The following MTERF4 variants were observed in gnomAD, a reference collection of about 807,000 sequenced individuals.
MTERF4 encodes the protein transcription termination factor 4, mitochondrial.
In MTERF4, 17 loss-of-function variants were observed where a neutral mutation model predicts 22.5. The ratio of observed to expected loss-of-function variants is 0.75; its 90% CI spans 0.52 to 1.13. The LOEUF (loss-of-function observed/expected upper bound fraction) is 1.13. Among genes scored for constraint, MTERF4 ranks in the 50% most tolerant of loss-of-function variants. The pLI, the probability that MTERF4 is intolerant of heterozygous loss-of-function variation, is 0.00. For synonymous variants in MTERF4, 165 were observed against 175.3 expected, an observed-to-expected ratio of 0.94 and a Z score of 0.47; for missense variants, 420 against 466.8, an observed-to-expected ratio of 0.90 and a Z score of 0.92.
downstream of MTERF4, among the ~76,000 whole-genome samples, chr2:241,090,730 G>T (rs949728399): frequency 3.3e-5 from 5 of 152,238 alleles, no homozygotes; most frequent in East Asian, 9.7e-4. Context: ...AGTCAGACAT[G>T]GTGGTGGGCA....
chr2:241,049,983 C>T, the MTERF4 span: 1 of 1,325,556 alleles, frequency 7.5e-7, no homozygotes, highest in South Asian at 1.2e-5. Flanking sequence ...TGGAGAGCGC[C>T]CGCGGTCCGC....
rs1559341050 is a variant in MTERF4, at chr2:241,099,593, T to C, written c.323A>G (p.His108Arg). ...CCGTACACTGAGCAATTCATTAATA[T>C]GGGCATTGCTGAAACCCATGTCCAG... is the stretch of plus-strand genomic sequence containing the variant. ...SLLDMGFSNA[H>R]INELLSVRRG... The change falls in exon 2 of 4, where the codon CAT becomes CGT. Residue 108 changes from histidine to arginine, a missense_variant. Transcript: ENST00000391980. 3.1e-6 allele frequency: 5 copies of C among 1,614,234 alleles called. No individual in the cohort carries two copies. Among genetic ancestry groups the C allele is most frequent in the Admixed American group, 1.7e-5 (1 of 60,030 alleles).
At position 241,080,293 on chromosome 2, in the gene MTERF4, A is replaced by AAAT. The variant is rs374864684; in HGVS notation, n.480-4614_480-4612dup. On this transcript the variant is annotated intron_variant and non_coding_transcript_variant, in intron 4 of 4. Coordinates refer to the MTERF4 transcript ENST00000464344. ...AGCAAGACTCCATCTCAAAATAAAT[A>AAAT]AATAAAATCTTGTTTGTCTTTTGAT... Among the ~76,000 whole-genome samples, 1,467 of 152,302 alleles carry AAAT rather than the reference A, an allele frequency of 9.6e-3. 20 individuals are homozygous for AAAT. Among genetic ancestry groups the AAAT allele is most frequent in the African/African-American group, 0.033 (1,355 of 41,548 alleles).
downstream of MTERF4, chr2:241,090,522 C>G: frequency 2.1e-6 from 3 of 1,430,892 alleles, no homozygotes; most frequent in Non-Finnish European, 2.8e-6. Flanking sequence ...GTATTATGTA[C>G]TCTACATAAT....
At chr2:241,067,721 G>A (rs1221936562), downstream of MTERF4, 2 of 1,548,104 alleles carry the variant, frequency 1.3e-6, no homozygotes, top group South Asian at 1.2e-5. Context: ...TCCCCCAGGA[G>A]CAAGGAGGGG....
chr2:241,048,414 G>T, the MTERF4 span: 32 of 1,610,502 alleles, frequency 2.0e-5, no homozygotes, highest in Non-Finnish European at 2.6e-5. Context: ...TGCCCCGAAG[G>T]CTTCATGGGC....
the MTERF4 span, chr2:241,052,079 G>A: frequency 5.0e-6 from 8 of 1,613,770 alleles, no homozygotes; most frequent in Non-Finnish European, 6.8e-6. Context: ...CTGTCACAAC[G>A]GCGGCACCTG....
chr2:241,099,570 G>A lies in MTERF4; in HGVS notation c.346C>T (p.Arg116Trp), dbSNP rs35437554. ...AACTGTTGAAGACTGGCACCTCGCC[G>A]TACACTGAGCAATTCATTAATATGG... is the stretch of plus-strand genomic sequence containing the variant. ...NAHINELLSV[R>W]RGASLQQLLD... The change falls in exon 2 of 4, where the codon CGG (arginine) becomes TGG (tryptophan). Residue 116 changes from arginine to tryptophan, a missense_variant. By Grantham distance (101) the Arg-to-Trp change is moderately radical. Coordinates refer to ENST00000391980, the MANE Select transcript of MTERF4 (RefSeq NM_182501.4). The A allele has an allele frequency of 3.3e-4, 530 of 1,614,182 alleles. No homozygotes were observed. Among genetic ancestry groups the A allele is most frequent in the Admixed American group, 1.5e-3 (92 of 60,028 alleles).
chr2:241,047,170 GTAAA>G, the MTERF4 span, among the ~76,000 whole-genome samples: 1 of 133,636 alleles, frequency 7.5e-6, no homozygotes, highest in African/African-American at 2.8e-5. Flanking sequence ...AAAAAAAAAA[GTAAA>G]TTAGGTAAAC....
At chr2:241,049,801 T>A in the MTERF4 span, 1 of 1,601,930 alleles carries the variant, frequency 6.2e-7, no homozygotes, top group Non-Finnish European at 8.6e-7. Context: ...GACCACCCTC[T>A]GTCCCCCGCC....
In MTERF4 at chr2:241,099,645, C is replaced by T; in HGVS notation, c.271G>A (p.Glu91Lys). The T allele has an allele frequency of 6.2e-7, 1 of 1,614,208 alleles. No individual in the cohort carries two copies. The highest frequency in any genetic ancestry group is 1.1e-5 in the South Asian group (1 of 91,084). ...QGTPVVQGSL[E>K]LERVMSSLLD... The stretch of plus-strand genomic sequence containing the variant: ...AGGGAACTCATGACCCTCTCTAGCT[C>T]CAAGGACCCTTGTACCACAGGAGTC... The change falls in exon 2 of 4, where the codon GAG becomes AAG. Residue 91 changes from glutamate to lysine, a missense_variant. Physicochemically the swap from Glu to Lys is moderately conservative, Grantham distance 56. Coordinates refer to ENST00000391980, the MANE Select transcript of MTERF4 (RefSeq NM_182501.4).
the MTERF4 span, among the ~76,000 whole-genome samples, chr2:241,047,683 G>C: frequency 6.6e-6 from 1 of 152,256 alleles, no homozygotes; most frequent in Non-Finnish European, 1.5e-5. Flanking sequence ...GACCAGAAAC[G>C]TTTGGAGGCC....
intron 4 of MTERF4, among the ~76,000 whole-genome samples, chr2:241,077,864 A>G (rs188497984): frequency 6.6e-6 from 1 of 152,300 alleles, no homozygotes; most frequent in East Asian, 1.9e-4. Context: ...AGAACCCTCT[A>G]CGCTGCTGGT....
Position 241,095,686 on chromosome 2 carries a change from GA to G in MTERF4, c.*311del, listed in dbSNP as rs141734316. 3.1e-3 allele frequency: 997 copies of G among 326,160 alleles called. 1 individual carries two copies. The highest frequency in any genetic ancestry group is 7.3e-3 in the African/African-American group (341 of 46,768). 20.2% of individuals were successfully genotyped at this position (326,160 alleles called of 1,614,324 possible). A position where few individuals can be genotyped will look rare whatever the true frequency, so the allele number is the denominator to read the frequency against. ...GGAATTATCACCAACATATTCAAAAGAGAAAAAAATAAAACCAATTGTTGAT... is the reference window on the plus strand; with the variant it reads ...GGAATTATCACCAACATATTCAAAAGGAAAAAAATAAAACCAATTGTTGAT... On this transcript the variant is annotated 3_prime_UTR_variant, in exon 4 of 4. Coordinates refer to ENST00000391980, the MANE Select transcript of MTERF4 (RefSeq NM_182501.4).
chr2:241,069,005 C>T (rs1046281381), downstream of MTERF4: 24 of 1,552,218 alleles, frequency 1.5e-5, no homozygotes, highest in Non-Finnish European at 2.0e-5. The surrounding 1 kb of genome is among the most constrained non-coding windows in gnomAD (Gnocchi z 4.9). Flanking sequence ...GGCCACCGCG[C>T]CGACGCACGT....
the MTERF4 span, among the ~76,000 whole-genome samples, chr2:241,046,257 A>G: frequency 4.4e-4 from 67 of 152,352 alleles, no homozygotes; most frequent in African/African-American, 1.6e-3. Flanking sequence ...GGTTTTTTAT[A>G]AGGTTAAGTA....
intron 4 of MTERF4, among the ~76,000 whole-genome samples, chr2:241,078,378 G>A (rs1411555964): frequency 1.7e-4 from 15 of 88,510 alleles, no homozygotes; most frequent in Admixed American, 3.6e-4. Context: ...ACTAGACTCC[G>A]TCTCAAAAAA....
chr2:241,060,142 C>T, the MTERF4 span, among the ~76,000 whole-genome samples: 4 of 151,318 alleles, frequency 2.6e-5, no homozygotes, highest in Non-Finnish European at 4.4e-5. Context: ...TTTTTAAATG[C>T]GTAAAAGGAA....
At chr2:241,083,516 A>G (rs891025871), downstream of MTERF4, among the ~76,000 whole-genome samples, 3 of 152,202 alleles carry the variant, frequency 2.0e-5, no homozygotes, top group African/African-American at 7.2e-5. Flanking sequence ...CTTGGACATG[A>G]AGCCAGGTGT....
Sources: allele counts gnomAD v4.1 joint callset (sites outside exome capture counted in the v4.1 genomes callset), GRCh38; gene constraint gnomAD v4.1.1; non-coding constraint Gnocchi (gnomAD v3.1); transcripts MANE v1.5; gene names NCBI Gene and HGNC (gene_info 2026-07-23, HGNC 2026-07-21).